PSD3: variants seen among roughly 807,000 people sequenced by gnomAD.
PSD3 encodes the protein pleckstrin and Sec7 domain containing 3.
Under a neutral mutation model 105.5 loss-of-function variants are expected in PSD3, and 49 were observed. The ratio of observed to expected loss-of-function variants is 0.46; its 90% CI spans 0.37 to 0.59. The LOEUF is 0.59. Ranked by LOEUF, PSD3 falls within the 20% of genes least tolerant of loss-of-function variation. The pLI is 0.00. For synonymous variants in PSD3, 557 were observed against 457.8 expected, an observed-to-expected ratio of 1.22 and a Z score of -2.77; for missense variants, 1,561 against 1,263.8, an observed-to-expected ratio of 1.24 and a Z score of -3.57.
At chr8:18,902,491 C>G (rs1287973517) in intron 2 of PSD3, among the ~76,000 whole-genome samples, 2 of 152,102 alleles carry the variant, frequency 1.3e-5, no homozygotes, top group African/African-American at 2.4e-5. Context: ...TCATTGAATT[C>G]TTTTTCACTG....
chr8:18,808,713 T>A, intron 4 of PSD3: 1 of 1,613,814 alleles, frequency 6.2e-7, no homozygotes, highest in Non-Finnish European at 8.5e-7. Flanking sequence ...TTGCTCCTTT[T>A]AAATCAGAAA....
intron 9 of PSD3, 63 bp from the exon 10 acceptor site, chr8:18,655,748 C>T: frequency 6.8e-7 from 1 of 1,480,714 alleles, no homozygotes; most frequent in East Asian, 2.3e-5. Flanking sequence ...TTGAATTCAG[C>T]AAATGACCAA....
chr8:18,954,670 C>G (rs1196354868), intron 1 of PSD3, among the ~76,000 whole-genome samples: 4 of 152,130 alleles, frequency 2.6e-5, no homozygotes, highest in Non-Finnish European at 4.4e-5. Context: ...TAGTATTTGT[C>G]TAGCTTCAAG....
intron 1 of PSD3, among the ~76,000 whole-genome samples, chr8:19,060,468 C>G (rs1828858476): frequency 6.6e-6 from 1 of 152,118 alleles, no homozygotes; most frequent in Non-Finnish European, 1.5e-5. Context: ...GATCCCAACT[C>G]TTCAAAAAAC....
chr8:19,030,396 A>C (rs1365681567), intron 1 of PSD3, among the ~76,000 whole-genome samples: 1 of 152,120 alleles, frequency 6.6e-6, no homozygotes, highest in Non-Finnish European at 1.5e-5. Context: ...CTCGTGTTGA[A>C]TTGTAATCCC....
chr8:18,765,220 A>T (rs539143245), intron 9 of PSD3, among the ~76,000 whole-genome samples: 3 of 152,298 alleles, frequency 2.0e-5, no homozygotes, highest in African/African-American at 7.2e-5. Flanking sequence ...CAACCATTCC[A>T]AATTTACTTA....
chr8:18,544,171 C>A (rs1029585746), intron 15 of PSD3, among the ~76,000 whole-genome samples: 9 of 106,712 alleles, frequency 8.4e-5, no homozygotes, highest in South Asian at 3.7e-4. Context: ...AGAAACAAAC[C>A]AAAAAAAAAA....
intron 8 of PSD3, among the ~76,000 whole-genome samples, chr8:18,793,137 G>C (rs962541781): frequency 1.3e-5 from 2 of 151,914 alleles, no homozygotes; most frequent in Non-Finnish European, 2.9e-5. Flanking sequence ...AGAACACTTG[G>C]ACACAGGGTG....
rs549613298 is a variant in PSD3 at position 18,984,705 on chromosome 8, G to C, written c.21+28858C>G. On this transcript the variant is annotated intron_variant, in intron 1 of 15. Transcript: ENST00000327040. ...GAGGTTTTTAAATTTTTTCACATTT[G>C]AAATTTTCCAAATAATAAAAGTAAA... Among the ~76,000 whole-genome samples, 111 of 152,208 alleles carry C rather than the reference G, an allele frequency of 7.3e-4. 1 individual carries two copies. Among genetic ancestry groups the C allele is most frequent in the African/African-American group, 2.6e-3 (107 of 41,536 alleles).
intron 8 of PSD3, among the ~76,000 whole-genome samples, chr8:18,793,205 G>A (rs1809890510): frequency 6.6e-6 from 1 of 152,012 alleles, no homozygotes; most frequent in Admixed American, 6.6e-5. Context: ...ATAGCATTAG[G>A]AGATATACCT....
intron 8 of PSD3, among the ~76,000 whole-genome samples, chr8:18,787,459 TA>T: frequency 6.6e-6 from 1 of 152,096 alleles, no homozygotes; most frequent in Non-Finnish European, 1.5e-5. Context: ...TAATCAAACT[TA>T]AAAAATATCA....
chr8:18,965,712 G>A (rs1824196823), intron 1 of PSD3, among the ~76,000 whole-genome samples: 1 of 152,236 alleles, frequency 6.6e-6, no homozygotes, highest in African/African-American at 2.4e-5. Flanking sequence ...TCTGGAGATG[G>A]ATGGCAAGTG....
intron 4 of PSD3, among the ~76,000 whole-genome samples, chr8:18,806,081 G>C (rs1440647008): frequency 6.6e-6 from 1 of 152,110 alleles, no homozygotes; most frequent in Admixed American, 6.5e-5. Context: ...AAATTAAAAA[G>C]ACATGATCTC....
In PSD3 at chr8:18,967,947, C is replaced by G. The variant is rs1005458262; in HGVS notation, c.22-31805G>C. ...CTGCGAGGAGAATTGCTTCCAATAT[C>G]CAAGTTCTACAAAAGGCTAGCAAAA... On this transcript the variant is annotated intron_variant, in intron 1 of 15. Transcript: ENST00000327040. 4.6e-5 allele frequency among the ~76,000 whole-genome samples: 7 copies of G among 152,268 alleles called. No individual in the cohort carries two copies. In the South Asian group the frequency reaches 1.0e-3, roughly 23 times the overall value.
At chr8:18,964,677 G>T (rs962718149) in intron 1 of PSD3, among the ~76,000 whole-genome samples, 1 of 152,048 alleles carries the variant, frequency 6.6e-6, no homozygotes, top group East Asian at 1.9e-4. Context: ...GAGTGGTTCC[G>T]AACTGCCTAA....
intron 8 of PSD3, among the ~76,000 whole-genome samples, chr8:18,784,465 T>C (rs546715408): frequency 3.9e-5 from 6 of 152,322 alleles, no homozygotes; most frequent in African/African-American, 1.4e-4. Flanking sequence ...TATAATACTA[T>C]GTATCTGCTG....
intron 4 of PSD3, among the ~76,000 whole-genome samples, chr8:18,851,494 T>G (rs1181158741): frequency 6.6e-6 from 1 of 152,194 alleles, no homozygotes; most frequent in Non-Finnish European, 1.5e-5. Flanking sequence ...CAGAGTGGAT[T>G]CAGACCAGCC....
At chr8:19,028,286 C>T (rs373536752) in intron 1 of PSD3, among the ~76,000 whole-genome samples, 14 of 114,220 alleles carry the variant, frequency 1.2e-4, no homozygotes, top group African/African-American at 1.1e-4. Flanking sequence ...CCACCCCCCC[C>T]CCCCGGCCCA....
At chr8:18,998,480 G>C (rs1335344669) in intron 1 of PSD3, among the ~76,000 whole-genome samples, 1 of 151,908 alleles carries the variant, frequency 6.6e-6, no homozygotes, top group Admixed American at 6.6e-5. Flanking sequence ...AAGGTCGGGA[G>C]ATTGAGACCA....
Sources: allele counts gnomAD v4.1 joint callset (sites outside exome capture counted in the v4.1 genomes callset), GRCh38; gene constraint gnomAD v4.1.1; transcripts MANE v1.5; gene names NCBI Gene and HGNC (gene_info 2026-07-23, HGNC 2026-07-21).